The following LY9 variants were observed in gnomAD, a reference collection of about 807,000 sequenced individuals.
LY9 encodes the protein lymphocyte antigen 9, also known as T-lymphocyte surface antigen Ly-9.
Under a neutral mutation model 64.6 loss-of-function variants are expected in LY9, and 59 were observed. The observed-to-expected ratio is 0.91, with a 90% CI of 0.74 to 1.13. The LOEUF is 1.13. LY9 is among the 50% of genes most tolerant of loss of function. The probability of loss-of-function intolerance (pLI) is 0.00; values close to 1 mark genes in which losing one functional copy is unlikely to be tolerated. For missense variants in LY9, 789 were observed against 797.2 expected (o/e 0.99, Z 0.12); for synonymous variants, 281 against 308.5 (o/e 0.91, Z 0.93).
In LY9 at chr1:160,819,269, A is replaced by G. The variant is rs372815412; in HGVS notation, c.1445-52A>G. The G allele has an allele frequency of 1.6e-4, 220 of 1,346,220 alleles. No individual in the cohort carries two copies. The African/African-American group carries it at 2.7e-3, about 16-fold the overall frequency. The allele number at this position is 1,346,220 out of a possible 1,614,324, so 83.4% of individuals were successfully genotyped here. A position where few individuals can be genotyped will look rare whatever the true frequency, so the allele number is the denominator to read the frequency against. The stretch of plus-strand genomic sequence containing the variant: ...ATTTGACTCTCACAGAATAAAAGAC[A>G]CCTCTCACCTCACAGCCCTCTTGAT... On this transcript the variant is annotated intron_variant, in intron 6 of 9. Coordinates refer to ENST00000263285, the MANE Select transcript of LY9 (RefSeq NM_002348.4).
At chr1:160,823,933 C>A in intron 8 of LY9, 137 bp downstream of exon 8, 1 of 786,708 alleles carries the variant, frequency 1.3e-6, no homozygotes, top group Non-Finnish European at 2.0e-6. Flanking sequence ...GGACTCATGG[C>A]TGTGTCCATG....
chr1:160,799,922 T>C lies in LY9; in HGVS notation c.294T>C (p.Ile98=). ...CACGTCCCAAAGAAAATGTAACCAT[T>C]ATGGTCAAAAGCTACCTGGGCCGAC... is the stretch of plus-strand genomic sequence containing the variant. ...AFARPKENVT[I]MVKSYLGRLD... is the part of the protein sequence containing the mutation. The change falls in exon 2 of 10, where the codon ATT becomes ATC. Residue 98 remains isoleucine, a synonymous_variant. Coordinates refer to ENST00000263285, the MANE Select transcript of LY9 (RefSeq NM_002348.4). 1 of 1,614,020 alleles carries C rather than the reference T, an allele frequency of 6.2e-7. No homozygotes were observed.
Position 160,814,750 on chromosome 1 carries a change from T to C in LY9, c.1061T>C (p.Leu354Pro), listed in dbSNP as rs1186222609. 2 of 1,612,764 alleles carry C rather than the reference T, an allele frequency of 1.2e-6. No individual in the cohort carries two copies. The highest frequency in any genetic ancestry group is 1.7e-6 in the Non-Finnish European group (2 of 1,179,346). Residue 354 changes from leucine (L) to proline (P), a missense_variant, in exon 4 of 10, where the codon CTG becomes CCG. By Grantham distance (98) the Leu-to-Pro change is moderately conservative. Coordinates refer to ENST00000263285, the MANE Select transcript of LY9 (RefSeq NM_002348.4). ...SSVTSMTHVT[L>P]LIYRRLRKPK... ...GTCACCAGCATGACACATGTCACCC[T>C]GCTCATCTACCGTGAGTCTCTGGGC...
rs779224252 is a variant in LY9, at chr1:160,828,084, C to T, written c.*268C>T. ...TCGCACACTTATAGCGTTTCCTCCT[C>T]GAAATTCTACCAAGACTGGTCAAAT... On this transcript the variant is annotated 3_prime_UTR_variant, in exon 10 of 10. Transcript: ENST00000263285. The T allele has an allele frequency of 8.3e-6, 2 of 242,110 alleles. No homozygotes were observed. Among genetic ancestry groups the T allele is most frequent in the Non-Finnish European group, 8.0e-6 (1 of 125,660 alleles). The allele number at this position is 242,110 out of a possible 1,614,324, so 15.0% of individuals were successfully genotyped here. A position where few individuals can be genotyped will look rare whatever the true frequency, so the allele number is the denominator to read the frequency against.
At chr1:160,803,556 C>T (rs6656939) in intron 2 of LY9, among the ~76,000 whole-genome samples, 1 of 151,950 alleles carries the variant, frequency 6.6e-6, no homozygotes, top group African/African-American at 2.4e-5. Context: ...TATTATAAAC[C>T]GGATTCACTT....
intron 2 of LY9, chr1:160,810,845 C>T (rs1219812459): frequency 2.6e-5 from 4 of 152,146 alleles, no homozygotes; most frequent in Non-Finnish European, 5.9e-5. Flanking sequence ...ACCTGCAAAA[C>T]CAGAGAAGTT....
chr1:160,816,680 G>A lies in LY9; in HGVS notation c.1159G>A (p.Asp387Asn). ...GATCAGCCTGACCTGCTCCGTGGAG[G>A]ACGGGGGAAACACTGTCATGTACAC... ...CRISLTCSVE[D>N]GGNTVMYTWT... The change falls in exon 5 of 10, where the codon GAC becomes AAC. Residue 387 changes from aspartate (D) to asparagine (N), a missense_variant. Transcript: ENST00000263285. 1 of 1,614,216 alleles carries A rather than the reference G, an allele frequency of 6.2e-7. No individual in the cohort carries two copies. Among genetic ancestry groups the A allele is most frequent in the Non-Finnish European group, 8.5e-7 (1 of 1,180,020 alleles).
chr1:160,796,226 T>C lies in LY9; in HGVS notation c.39T>C (p.Pro13=), dbSNP rs149416710. The change falls in exon 1 of 10, where the codon CCT becomes CCC. Residue 13 remains proline, a synonymous_variant. Transcript: ENST00000263285. ...APKSHTDDWA[P]GPFSSKPQRS... ...AGAGTCACACAGATGACTGGGCTCC[T>C]GGGCCTTTCTCCAGTAAGCCACAGA... is the stretch of plus-strand genomic sequence containing the variant. The C allele has an allele frequency of 9.0e-4, 1,451 of 1,614,174 alleles. 3 individuals are homozygous for C. Among genetic ancestry groups the C allele is most frequent in the Non-Finnish European group, 1.1e-3 (1,346 of 1,180,016 alleles).
At chr1:160,805,185 T>C (rs1024651610) in intron 2 of LY9, among the ~76,000 whole-genome samples, 5 of 152,146 alleles carry the variant, frequency 3.3e-5, no homozygotes, top group South Asian at 4.1e-4. Flanking sequence ...TTAAAGTTCA[T>C]TGTTACATTA....
At chr1:160,808,745 G>T (rs970471530) in intron 2 of LY9, among the ~76,000 whole-genome samples, 1 of 152,142 alleles carries the variant, frequency 6.6e-6, no homozygotes, top group Non-Finnish European at 1.5e-5. Context: ...ATGACTGTTT[G>T]TATACTACTT....
At chr1:160,807,843 C>G (rs1667125114) in intron 2 of LY9, among the ~76,000 whole-genome samples, 1 of 152,052 alleles carries the variant, frequency 6.6e-6, no homozygotes. Context: ...AAGATGCTGG[C>G]CTATGTGTTC....
At position 160,827,784 on chromosome 1, in the gene LY9, C is replaced by A. The variant is rs773712223; in HGVS notation, c.1936C>A (p.Pro646Thr). Residue 646 changes from proline (P) to threonine (T), a missense_variant, in exon 10 of 10, where the codon CCT (proline) becomes ACT (threonine). Pro to Thr is a conservative substitution (Grantham distance 38, BLOSUM62 -1). Coordinates refer to ENST00000263285, the MANE Select transcript of LY9 (RefSeq NM_002348.4). ...PPPQQNDLEIPESPTYENFT is the reference protein window; with the variant it reads ...PPPQQNDLEITESPTYENFT The stretch of plus-strand genomic sequence containing the variant: ...ACCACAACAGAATGATCTTGAGATT[C>A]CTGAAAGTCCTACCTATGAAAATTT... 2 of 1,609,654 alleles carry A rather than the reference C, an allele frequency of 1.2e-6. No homozygotes were observed. The highest frequency in any genetic ancestry group is 1.7e-6 in the Non-Finnish European group (2 of 1,178,108).
rs201049859 is a variant in LY9 at position 160,818,278 on chromosome 1, T to C, written c.1403T>C (p.Val468Ala). Residue 468 changes from valine to alanine, a missense_variant, in exon 6 of 10, where the codon GTT (valine) becomes GCT (alanine). Coordinates refer to ENST00000263285, the MANE Select transcript of LY9 (RefSeq NM_002348.4). ...GLFLMVCLLC[V>A]GIFSWCIWKR... Reference sequence around the variant, plus strand: ...TTCCTGATGGTTTGCCTTCTGTGCGTTGGGATCTTCAGCTGGTGCATTTGG... The same window carrying C: ...TTCCTGATGGTTTGCCTTCTGTGCGCTGGGATCTTCAGCTGGTGCATTTGG... 61 of 1,614,102 alleles carry C rather than the reference T, an allele frequency of 3.8e-5. No homozygotes were observed. In the Admixed American group the frequency reaches 7.5e-4, roughly 20 times the overall value.
intron 5 of LY9, among the ~76,000 whole-genome samples, chr1:160,817,822 G>A (rs536473636): frequency 6.6e-6 from 1 of 152,304 alleles, no homozygotes; most frequent in African/African-American, 2.4e-5. Flanking sequence ...ATCTGACAAT[G>A]TTGGGTCAGA....
chr1:160,800,498 T>C (rs1333896214), intron 2 of LY9, among the ~76,000 whole-genome samples: 1 of 152,252 alleles, frequency 6.6e-6, no homozygotes, highest in African/African-American at 2.4e-5. Flanking sequence ...TGACCTCCAG[T>C]TTCAGCCACA....
At chr1:160,816,470 C>A in intron 4 of LY9, 124 bp from the exon 5 acceptor site, 1 of 1,120,382 alleles carries the variant, frequency 8.9e-7, no homozygotes, top group Non-Finnish European at 1.3e-6. Context: ...TCCTGTGGCT[C>A]CTGGAGGCAC....
In LY9 at chr1:160,828,074, G is replaced by A. The variant is rs887329801; in HGVS notation, c.*258G>A. The A allele has an allele frequency of 3.7e-5, 10 of 266,730 alleles. No individual in the cohort carries two copies. Among genetic ancestry groups the A allele is most frequent in the African/African-American group, 1.6e-4 (7 of 44,816 alleles). 16.5% of individuals were successfully genotyped at this position (266,730 alleles called of 1,614,324 possible). On this transcript the variant is annotated 3_prime_UTR_variant, in exon 10 of 10. Transcript: ENST00000263285. ...ATTTGTCACCTCGCACACTTATAGC[G>A]TTTCCTCCTCGAAATTCTACCAAGA...
chr1:160,799,276 G>C (rs572864663), intron 1 of LY9: 1 of 157,654 alleles, frequency 6.3e-6, no homozygotes, highest in African/African-American at 2.4e-5. Context: ...GTTTTACTTT[G>C]CTTGCTTTAT....
chr1:160,802,434 A>G (rs1211455747), intron 2 of LY9: 1 of 986,164 alleles, frequency 1.0e-6, no homozygotes, highest in African/African-American at 1.7e-5. Context: ...AGGAGCTGGG[A>G]TCCCCGGGAT....
Sources: allele counts gnomAD v4.1 joint callset (sites outside exome capture counted in the v4.1 genomes callset), GRCh38; gene constraint gnomAD v4.1.1; transcripts MANE v1.5; gene names NCBI Gene and HGNC (gene_info 2026-07-23, HGNC 2026-07-21).